Variants in CACNA1H observed in about 807,000 individuals in gnomAD.
CACNA1H encodes voltage-dependent T-type calcium channel subunit alpha-1H.
A neutral mutation model predicts 192.5 loss-of-function variants in CACNA1H; 149 were observed. The ratio of observed to expected loss-of-function variants is 0.77; its 90% CI spans 0.68 to 0.89. The LOEUF (loss-of-function observed/expected upper bound fraction) is 0.89, where lower values mean the gene tolerates loss of function less well. Ranked by LOEUF, CACNA1H falls within the 40% of genes least tolerant of loss-of-function variation. CACNA1H has a pLI of 0.00. For synonymous variants in CACNA1H, 2,202 were observed against 1,475.2 expected, an observed-to-expected ratio of 1.49 and a Z score of -11.29; for missense variants, 4,257 against 3,423.5, an observed-to-expected ratio of 1.24 and a Z score of -6.08.
chr16:1,209,197 G>A lies in CACNA1H; in HGVS notation c.3529G>A (p.Asp1177Asn), dbSNP rs746877235. The A allele has an allele frequency of 5.2e-6, 8 of 1,552,184 alleles. No individual in the cohort carries two copies. Among genetic ancestry groups the A allele is most frequent in the African/African-American group, 4.1e-5 (3 of 73,146 alleles). The change falls in exon 17 of 35, where the codon GAC becomes AAC. Residue 1177 changes from aspartate (D) to asparagine (N), a missense_variant. Asp to Asn is a conservative substitution (Grantham distance 23, BLOSUM62 1). Coordinates refer to ENST00000348261, the MANE Select transcript of CACNA1H (RefSeq NM_021098.3). ...LSGEGKGSTDDEAEDGRAAPG... is the reference protein window; with the variant it reads ...LSGEGKGSTDNEAEDGRAAPG... ...TGGCGAGGGCAAGGGCAGCACCGAC[G>A]ACGAAGCTGAGGACGGCAGGGCCGC...
Position 1,202,474 on chromosome 16 carries a change from A to G in CACNA1H, c.2002+22A>G, listed in dbSNP as rs998878399. On this transcript the variant is annotated intron_variant, in intron 9 of 34. Transcript: ENST00000348261. ...CATGGTGAGGACCCAGCCCCACCCC[A>G]CGGAGGAGGCGGTGGGACCTAGGCA... is the stretch of plus-strand genomic sequence containing the variant. 74 of 1,461,250 alleles carry G rather than the reference A, an allele frequency of 5.1e-5. 1 individual carries two copies. The African/African-American group carries it at 8.2e-4, about 16-fold the overall frequency. The allele number at this position is 1,461,250 out of a possible 1,614,324, so 90.5% of individuals were successfully genotyped here.
intron 2 of CACNA1H, among the ~76,000 whole-genome samples, chr16:1,165,493 A>G (rs1157202626): frequency 1.3e-5 from 2 of 151,982 alleles, no homozygotes; most frequent in Non-Finnish European, 2.9e-5. Context: ...CGTCCTGCGC[A>G]CTCACAGCCG....
intron 20 of CACNA1H, 49 bp downstream of exon 20, chr16:1,210,700 C>G: frequency 6.3e-7 from 1 of 1,584,642 alleles, no homozygotes; most frequent in Admixed American, 1.7e-5. Context: ...CCCGTTCTGC[C>G]CTCATCCCCA....
rs768561419 is a variant in CACNA1H, at chr16:1,215,516, G to GC, written c.5174-4dup. The GC allele has an allele frequency of 6.8e-6, 11 of 1,610,670 alleles. No homozygotes were observed. In the Admixed American group the frequency reaches 1.8e-4, roughly 27 times the overall value. On this transcript the variant is annotated splice_polypyrimidine_tract_variant and splice_region_variant and intron_variant, in intron 29 of 34. Transcript: ENST00000348261. ...CAGCCCTGCTGACGCTCAGCTCCCG[G>GC]CCCTAGTGCTGAAGCTGCTGAAGAT...
intron 2 of CACNA1H, chr16:1,157,857 C>A (rs1390883991): frequency 6.6e-6 from 1 of 152,252 alleles, no homozygotes; most frequent in Admixed American, 6.5e-5. Flanking sequence ...CGTCCCGTCC[C>A]TTCTGCCTGG....
chr16:1,154,258 C>T lies in CACNA1H; in HGVS notation c.299+222C>T, dbSNP rs374841130. 1.3e-4 allele frequency among the ~76,000 whole-genome samples: 20 copies of T among 152,212 alleles called. No individual in the cohort carries two copies. The East Asian group carries it at 2.5e-3, about 19-fold the overall frequency. ...CCGGGCGCCTCCGGACTCCCTTCCCCAGGGCCGGCTCCGGACGGAGAAGGT... is the reference window on the plus strand; with the variant it reads ...CCGGGCGCCTCCGGACTCCCTTCCCTAGGGCCGGCTCCGGACGGAGAAGGT... On this transcript the variant is annotated intron_variant, in intron 2 of 34. Coordinates refer to ENST00000348261, the MANE Select transcript of CACNA1H (RefSeq NM_021098.3).
At chr16:1,179,377 C>T (rs1022477465) in intron 2 of CACNA1H, among the ~76,000 whole-genome samples, 3 of 152,134 alleles carry the variant, frequency 2.0e-5, no homozygotes, top group Non-Finnish European at 4.4e-5. Context: ...CATGGACTCT[C>T]CTGCCCCCGC....
chr16:1,206,967 T>C (rs1405660339), intron 12 of CACNA1H, 34 bp from the exon 13 acceptor site: 6 of 888,308 alleles, frequency 6.8e-6, no homozygotes, highest in Admixed American at 3.0e-5. Context: ...CACCCCTGCC[T>C]CCACCCTCAA....
At chr16:1,160,924 G>A (rs1244592558) in intron 2 of CACNA1H, among the ~76,000 whole-genome samples, 1 of 152,120 alleles carries the variant, frequency 6.6e-6, no homozygotes, top group Non-Finnish European at 1.5e-5. Context: ...CATCAGCCCA[G>A]TGCGGCCCCC....
intron 2 of CACNA1H, among the ~76,000 whole-genome samples, chr16:1,164,259 G>C (rs1210819455): frequency 6.6e-6 from 1 of 152,210 alleles, no homozygotes; most frequent in African/African-American, 2.4e-5. Flanking sequence ...AGTGTCGTCA[G>C]TTGCAGGGGT....
intron 2 of CACNA1H, among the ~76,000 whole-genome samples, chr16:1,175,511 A>G (rs1964791923): frequency 6.6e-6 from 1 of 151,964 alleles, no homozygotes; most frequent in Admixed American, 6.5e-5. Context: ...TCCACCCTGT[A>G]GCCTCCAGCT....
intron 2 of CACNA1H, among the ~76,000 whole-genome samples, chr16:1,171,218 A>G (rs907430919): frequency 6.6e-6 from 1 of 151,906 alleles, no homozygotes; most frequent in African/African-American, 2.4e-5. Context: ...CGCGCCGCCC[A>G]GGATCACCTC....
rs572416428 is a variant in CACNA1H, at chr16:1,211,452, C to T, written c.4351-29C>T. Reference sequence around the variant, plus strand: ...GTGTGGGGTGGGGCACAGGCCAGGCCCTCCGCGGTGACCGTCGCACCCCGT... The same window carrying T: ...GTGTGGGGTGGGGCACAGGCCAGGCTCTCCGCGGTGACCGTCGCACCCCGT... On this transcript the variant is annotated intron_variant, in intron 22 of 34. Coordinates refer to ENST00000348261, the MANE Select transcript of CACNA1H (RefSeq NM_021098.3). The T allele has an allele frequency of 4.8e-5, 77 of 1,612,108 alleles. No individual in the cohort carries two copies. The East Asian group carries it at 1.6e-3, about 33-fold the overall frequency.
intron 27 of CACNA1H, 103 bp from the exon 28 acceptor site, chr16:1,214,869 T>A (rs1969873496): frequency 7.2e-6 from 6 of 838,590 alleles, no homozygotes; most frequent in Admixed American, 6.1e-5. Context: ...CCTGGGAGCC[T>A]CCAGGGCCGG....
At chr16:1,179,214 G>A (rs924326036) in intron 2 of CACNA1H, among the ~76,000 whole-genome samples, 8 of 152,146 alleles carry the variant, frequency 5.3e-5, no homozygotes, top group East Asian at 3.9e-4. Context: ...CGCGCCTCCC[G>A]GGACTGGTGG....
At chr16:1,214,556 G>A (rs541011717) in intron 27 of CACNA1H, among the ~76,000 whole-genome samples, 5 of 152,274 alleles carry the variant, frequency 3.3e-5, no homozygotes, top group South Asian at 2.1e-4. Context: ...GCATACCGTC[G>A]GTGCTCAGAG....
chr16:1,163,733 G>A (rs1175432340), intron 2 of CACNA1H, among the ~76,000 whole-genome samples: 1 of 152,238 alleles, frequency 6.6e-6, no homozygotes, highest in Non-Finnish European at 1.5e-5. Context: ...GCCTTGGCTG[G>A]TAGCTGGGAC....
intron 2 of CACNA1H, among the ~76,000 whole-genome samples, chr16:1,183,723 G>C (rs537493322): frequency 6.6e-6 from 1 of 152,372 alleles, no homozygotes; most frequent in South Asian, 2.1e-4. Flanking sequence ...ACCCTGTGAG[G>C]CTGGGGGGCG....
At position 1,210,618 on chromosome 16, in the gene CACNA1H, C is replaced by G; in HGVS notation, c.4005C>G (p.Phe1335Leu). The G allele has an allele frequency of 6.2e-7, 1 of 1,607,218 alleles. No individual in the cohort carries two copies. The highest frequency in any genetic ancestry group is 8.5e-7 in the Non-Finnish European group (1 of 1,179,802). The change falls in exon 20 of 35, where the codon TTC becomes TTG. Residue 1335 changes from phenylalanine (F) to leucine (L), a missense_variant. By Grantham distance (22) the Phe-to-Leu change is conservative. Coordinates refer to ENST00000348261, the MANE Select transcript of CACNA1H (RefSeq NM_021098.3). ...RVFLSVSNYI[F>L]TAIFVAEMMV... ...TCCTCAGCGTCTCCAATTACATCTT[C>G]ACGGCCATCTTCGTGGCGGAGATGA... is the stretch of plus-strand genomic sequence containing the variant.
Sources: allele counts gnomAD v4.1 joint callset (sites outside exome capture counted in the v4.1 genomes callset), GRCh38; gene constraint gnomAD v4.1.1; transcripts MANE v1.5; gene names NCBI Gene and HGNC (gene_info 2026-07-23, HGNC 2026-07-21).